EPS15L1: variants seen among roughly 807,000 people sequenced by gnomAD.
EPS15L1 encodes epidermal growth factor receptor substrate 15-like 1.
Under a neutral mutation model 117.1 loss-of-function variants are expected in EPS15L1, and 43 were observed. The ratio of observed to expected loss-of-function variants is 0.37; its 90% CI spans 0.29 to 0.47. The LOEUF (loss-of-function observed/expected upper bound fraction) is 0.47. EPS15L1 is among the 20% of genes least tolerant of loss of function. The probability of loss-of-function intolerance (pLI) is 0.99; values close to 1 mark genes in which losing one functional copy is unlikely to be tolerated. For missense variants in EPS15L1, 981 were observed against 1,164.0 expected, an observed-to-expected ratio of 0.84 and a Z score of 2.29; for synonymous variants, 459 against 470.5, an observed-to-expected ratio of 0.98 and a Z score of 0.32.
In EPS15L1 at chr19:16,471,786, CGCAAG is replaced by C; in HGVS notation, c.33+122_33+126del. 4 of 351,218 alleles carry C rather than the reference CGCAAG, an allele frequency of 1.1e-5. No individual in the cohort carries two copies. Among genetic ancestry groups the C allele is most frequent in the Non-Finnish European group, 1.4e-5 (3 of 213,888 alleles). The allele number at this position is 351,218 out of a possible 1,614,324, so 21.8% of individuals were successfully genotyped here. On this transcript the variant is annotated intron_variant, in intron 1 of 23. Transcript: ENST00000455140. The surrounding 1 kb of genome is among the most constrained non-coding windows in gnomAD (Gnocchi z 4.8). ...CAGGGCCGCCTGCCCACCCGCCCGC[CGCAAG>C]CCCTTCAGCACGCGCCGCCCCCGCC...
chr19:16,457,949 G>A (rs1307988985), intron 1 of EPS15L1, among the ~76,000 whole-genome samples: 1 of 151,666 alleles, frequency 6.6e-6, no homozygotes, highest in Non-Finnish European at 1.5e-5. Context: ...CTCCCACAAG[G>A]GCCCACTTCC....
chr19:16,404,729 G>A lies in EPS15L1; in HGVS notation c.1287C>T (p.Asp429=). The change falls in exon 14 of 24, where the codon GAC becomes GAT. Residue 429 remains aspartate, a synonymous_variant. Transcript: ENST00000455140. The surrounding 1 kb of genome is among the most constrained non-coding windows in gnomAD (Gnocchi z 4.2). The part of the protein sequence containing the change: ...SEVQELQNDL[D]RETSSLQELE... ...GCTCCTGCAAACTGCTTGTTTCCCGGTCTAGGTCATTTTGTAATTCCTAGG... is the reference window on the plus strand; with the variant it reads ...GCTCCTGCAAACTGCTTGTTTCCCGATCTAGGTCATTTTGTAATTCCTAGG... The A allele has an allele frequency of 1.2e-6, 2 of 1,614,186 alleles. No homozygotes were observed. The highest frequency in any genetic ancestry group is 1.7e-6 in the Non-Finnish European group (2 of 1,180,030).
rs2092060806 is a variant in EPS15L1, at chr19:16,361,984, C to T, written c.2381G>A (p.Gly794Asp). 2 of 1,588,320 alleles carry T rather than the reference C, an allele frequency of 1.3e-6. No homozygotes were observed. The highest frequency in any genetic ancestry group is 2.7e-5 in the African/African-American group (2 of 73,012). ...AAGCTGGCTTACAGGTGTACTTTTA[C>T]CTGGAAAGTTTAGGAGAAAAAAAAA... is the stretch of plus-strand genomic sequence containing the variant. Reference protein sequence around the residue: ...PAPPRPKPPSGKSTPVSQLGS... With the variant: ...PAPPRPKPPSDKSTPVSQLGS... The change falls in exon 23 of 24, where the codon GGT becomes GAT. Residue 794 changes from glycine to aspartate, a missense_variant and splice_region_variant. By Grantham distance (94) the Gly-to-Asp change is moderately conservative (BLOSUM62 -1). Transcript: ENST00000455140.
chr19:16,395,902 G>A (rs1381351381), intron 16 of EPS15L1, among the ~76,000 whole-genome samples: 1 of 149,996 alleles, frequency 6.7e-6, no homozygotes, highest in Non-Finnish European at 1.5e-5. Flanking sequence ...CTGAGATTAC[G>A]CCATTGCGCT....
chr19:16,382,507 T>C (rs965583724), intron 21 of EPS15L1, among the ~76,000 whole-genome samples: 3 of 152,130 alleles, frequency 2.0e-5, no homozygotes, highest in Non-Finnish European at 4.4e-5. Flanking sequence ...GAAGAACTGG[T>C]TCAAAACAGA....
At chr19:16,393,258 G>A (rs1475679509) in intron 18 of EPS15L1, among the ~76,000 whole-genome samples, 1 of 151,986 alleles carries the variant, frequency 6.6e-6, no homozygotes, top group East Asian at 1.9e-4. Context: ...GGAACTAGAT[G>A]AAGGTGATCA....
At chr19:16,436,685 A>G (rs1478467895) in intron 6 of EPS15L1, 15 of 430,354 alleles carry the variant, frequency 3.5e-5, no homozygotes, top group Non-Finnish European at 3.7e-5. Flanking sequence ...AACTCCTGAC[A>G]CTTAGTTGTC....
chr19:16,390,504 C>A (rs1340899174), intron 19 of EPS15L1, among the ~76,000 whole-genome samples: 1 of 152,138 alleles, frequency 6.6e-6, no homozygotes, highest in Non-Finnish European at 1.5e-5. Flanking sequence ...GGAACCTCAA[C>A]CTCACTGCCA....
intron 22 of EPS15L1, among the ~76,000 whole-genome samples, chr19:16,366,639 T>TCAA (rs375316286): frequency 3.3e-5 from 5 of 152,156 alleles, no homozygotes; most frequent in Non-Finnish European, 5.9e-5. Flanking sequence ...AGAAGGAACA[T>TCAA]CAACAACAAC....
chr19:16,388,141 C>T (rs2092439855), intron 19 of EPS15L1, among the ~76,000 whole-genome samples: 1 of 152,192 alleles, frequency 6.6e-6, no homozygotes, highest in Non-Finnish European at 1.5e-5. Context: ...CTCCCAGGTT[C>T]AAGCGATTCT....
At position 16,386,175 on chromosome 19, in the gene EPS15L1, T is replaced by A. The variant is rs758988763; in HGVS notation, c.2160A>T (p.Gly720=). The change falls in exon 20 of 24, where the codon GGA becomes GGT. Residue 720 remains glycine, a synonymous_variant. Coordinates refer to ENST00000455140, the MANE Select transcript of EPS15L1 (RefSeq NM_001258374.3). ...PFSSSSVSSK[G]SDPFGTLDPF... ...AAAATAAGTCATGGGTCTCACCTGATCCTTTTGAGGAGACACTGGAGGATG... is the reference window on the plus strand; with the variant it reads ...AAAATAAGTCATGGGTCTCACCTGAACCTTTTGAGGAGACACTGGAGGATG... 90 of 1,610,892 alleles carry A rather than the reference T, an allele frequency of 5.6e-5. No homozygotes were observed. Among genetic ancestry groups the A allele is most frequent in the Non-Finnish European group, 7.1e-5 (84 of 1,177,488 alleles).
intron 4 of EPS15L1, among the ~76,000 whole-genome samples, chr19:16,438,765 C>T (rs1444120619): frequency 6.6e-6 from 1 of 152,178 alleles, no homozygotes; most frequent in Admixed American, 6.5e-5. Context: ...TTCCTGTCCT[C>T]CTGCCTTAGC....
intron 23 of EPS15L1, chr19:16,358,437 C>G (rs1458054290): frequency 6.6e-6 from 1 of 152,530 alleles, no homozygotes; most frequent in Non-Finnish European, 1.5e-5. Flanking sequence ...TCACACGGGC[C>G]AGAATCTGGA....
intron 1 of EPS15L1, among the ~76,000 whole-genome samples, chr19:16,446,690 C>T (rs2093086323): frequency 6.6e-6 from 1 of 152,146 alleles, no homozygotes; most frequent in African/African-American, 2.4e-5. Context: ...AATGACAGCC[C>T]AGGTGTCACA....
intron 7 of EPS15L1, 126 bp downstream of exon 7, chr19:16,434,239 A>G (rs1599643527): frequency 1.6e-6 from 2 of 1,288,506 alleles, no homozygotes; most frequent in East Asian, 2.3e-5. Flanking sequence ...CGCTGATGAA[A>G]GCCCCTGATG....
At chr19:16,401,732 T>C in intron 16 of EPS15L1, 1 of 985,420 alleles carries the variant, frequency 1.0e-6, no homozygotes, top group Non-Finnish European at 1.2e-6. Context: ...CCAGGCCTGA[T>C]CACAACTCCA....
At chr19:16,469,458 T>G (rs1427878340) in intron 1 of EPS15L1, among the ~76,000 whole-genome samples, 1 of 151,834 alleles carries the variant, frequency 6.6e-6, no homozygotes, top group African/African-American at 2.4e-5. Flanking sequence ...ACGGAAGGCT[T>G]TTTGGAAAGC....
At chr19:16,462,487 C>T (rs937336485) in intron 1 of EPS15L1, among the ~76,000 whole-genome samples, 1 of 152,108 alleles carries the variant, frequency 6.6e-6, no homozygotes, top group African/African-American at 2.4e-5. Context: ...ATGGTGAAAC[C>T]CTGTCTCTAC....
intron 1 of EPS15L1, among the ~76,000 whole-genome samples, chr19:16,451,458 T>G (rs1004585094): frequency 2.6e-4 from 40 of 152,256 alleles, no homozygotes; most frequent in African/African-American, 9.6e-4. Flanking sequence ...GCATTGTGGT[T>G]ATGTAAAGGA....
Sources: allele counts gnomAD v4.1 joint callset (sites outside exome capture counted in the v4.1 genomes callset), GRCh38; gene constraint gnomAD v4.1.1; non-coding constraint Gnocchi (gnomAD v3.1); transcripts MANE v1.5; gene names NCBI Gene and HGNC (gene_info 2026-07-23, HGNC 2026-07-21).